Variants in LYRM4 observed in about 807,000 individuals in gnomAD.
LYRM4 encodes the protein LYR motif-containing protein 4.
A neutral mutation model predicts 11.7 loss-of-function variants in LYRM4; 9 were observed. That is an observed-to-expected ratio of 0.77 (90% CI 0.46 to 1.34). The LOEUF (loss-of-function observed/expected upper bound fraction) is 1.34. Among genes scored for constraint, LYRM4 ranks in the 40% most tolerant of loss-of-function variants. The pLI, the probability that LYRM4 is intolerant of heterozygous loss-of-function variation, is 0.00. For synonymous variants in LYRM4, 42 were observed against 40.4 expected, an observed-to-expected ratio of 1.04 and a Z score of -0.15; for missense variants, 133 against 112.5, an observed-to-expected ratio of 1.18 and a Z score of -0.82.
chr6:5,244,455 G>A (rs919751150), intron 1 of LYRM4, among the ~76,000 whole-genome samples: 9 of 152,112 alleles, frequency 5.9e-5, no homozygotes, highest in Admixed American at 1.3e-4. Flanking sequence ...ATCCCTGCTC[G>A]TTCCTTAGGG....
chr6:5,117,229 T>C (rs141551701), intron 2 of LYRM4, among the ~76,000 whole-genome samples: 3 of 152,372 alleles, frequency 2.0e-5, no homozygotes, highest in East Asian at 3.9e-4. Flanking sequence ...GTTACTTACA[T>C]GCACAGACTT....
At chr6:5,125,626 G>A (rs1363822706) in intron 2 of LYRM4, among the ~76,000 whole-genome samples, 1 of 152,212 alleles carries the variant, frequency 6.6e-6, no homozygotes, top group Non-Finnish European at 1.5e-5. Context: ...CTGCAGCTGA[G>A]CCTGGCAGAG....
chr6:5,048,351 T>C, the LYRM4 span, among the ~76,000 whole-genome samples: 3 of 151,470 alleles, frequency 2.0e-5, no homozygotes, highest in African/African-American at 7.3e-5. Context: ...GCTCCCTCTC[T>C]GTTGCCCAGG....
the LYRM4 span, among the ~76,000 whole-genome samples, chr6:5,044,895 T>C: frequency 1.3e-5 from 2 of 152,218 alleles, no homozygotes; most frequent in Admixed American, 1.3e-4. Context: ...TGCCTTATGC[T>C]TTCTCCTGGG....
At chr6:5,053,282 C>T in the LYRM4 span, among the ~76,000 whole-genome samples, 1 of 152,024 alleles carries the variant, frequency 6.6e-6, no homozygotes, top group Non-Finnish European at 1.5e-5. Context: ...ACAGATAAAC[C>T]CTTTCCTCTA....
At chr6:5,065,928 C>A in the LYRM4 span, 1 of 209,366 alleles carries the variant, frequency 4.8e-6, no homozygotes, top group Non-Finnish European at 1.0e-5. Context: ...TTCCTATTTG[C>A]ATCAATATAT....
chr6:5,164,762 GT>G (rs759932056), intron 2 of LYRM4, among the ~76,000 whole-genome samples: 5 of 152,114 alleles, frequency 3.3e-5, no homozygotes, highest in African/African-American at 4.8e-5. Flanking sequence ...GAGGTCAGGA[GT>G]TTGAGACCAG....
intron 2 of LYRM4, among the ~76,000 whole-genome samples, chr6:5,122,649 T>C (rs1260746183): frequency 1.3e-5 from 2 of 152,106 alleles, no homozygotes; most frequent in Non-Finnish European, 2.9e-5. Flanking sequence ...TTTCCAGAAG[T>C]TTCTCTTGGA....
the LYRM4 span, chr6:5,066,953 A>G: frequency 9.3e-6 from 10 of 1,077,848 alleles, no homozygotes; most frequent in Non-Finnish European, 1.3e-5. Flanking sequence ...GCCTCAGCCG[A>G]GGAGGAAATC....
the LYRM4 span, among the ~76,000 whole-genome samples, chr6:5,080,699 T>C: frequency 6.6e-6 from 1 of 152,210 alleles, no homozygotes; most frequent in East Asian, 1.9e-4. Context: ...CTTGAGGGGT[T>C]TGAGAATGCT....
chr6:5,067,678 A>G, the LYRM4 span, among the ~76,000 whole-genome samples: 2 of 152,340 alleles, frequency 1.3e-5, no homozygotes, highest in South Asian at 4.1e-4. Flanking sequence ...AAGACTGACT[A>G]CCATGCAGGG....
At chr6:5,065,438 A>G in the LYRM4 span, among the ~76,000 whole-genome samples, 1 of 152,216 alleles carries the variant, frequency 6.6e-6, no homozygotes, top group Non-Finnish European at 1.5e-5. Context: ...AAATCAGTAA[A>G]TCAGTTTTGT....
At chr6:5,214,120 G>A (rs185817430) in intron 2 of LYRM4, among the ~76,000 whole-genome samples, 14 of 152,334 alleles carry the variant, frequency 9.2e-5, no homozygotes, top group South Asian at 4.1e-4. Context: ...GGCCCCTGCC[G>A]TCTTGCAGAA....
At chr6:5,076,773 C>T in the LYRM4 span, among the ~76,000 whole-genome samples, 11 of 152,186 alleles carry the variant, frequency 7.2e-5, no homozygotes, top group Non-Finnish European at 1.6e-4. Flanking sequence ...CCCACCCCAT[C>T]AAGGAACTGT....
chr6:5,257,544 T>C (rs1340562013), intron 1 of LYRM4, among the ~76,000 whole-genome samples: 1 of 152,244 alleles, frequency 6.6e-6, no homozygotes, highest in Admixed American at 6.5e-5. Flanking sequence ...AACCCATCAG[T>C]ACTGGTCCGT....
At chr6:5,210,161 T>C (rs1272972246) in intron 2 of LYRM4, among the ~76,000 whole-genome samples, 2 of 152,170 alleles carry the variant, frequency 1.3e-5, no homozygotes, top group Admixed American at 1.3e-4. Flanking sequence ...CTAAACTCTG[T>C]AGTGTTAAGT....
intron 1 of LYRM4, among the ~76,000 whole-genome samples, chr6:5,247,490 A>G (rs1320090393): frequency 6.6e-6 from 1 of 152,252 alleles, no homozygotes; most frequent in African/African-American, 2.4e-5. Flanking sequence ...TTTTGCCTAT[A>G]GAAGTGATAT....
intron 2 of LYRM4, among the ~76,000 whole-genome samples, chr6:5,153,147 G>C (rs1342151079): frequency 2.0e-5 from 3 of 152,126 alleles, no homozygotes; most frequent in Admixed American, 2.0e-4. Context: ...GTTCAGGCTG[G>C]AGTGCAGTCG....
At chr6:5,218,796 G>C (rs1172809473) in intron 1 of LYRM4, among the ~76,000 whole-genome samples, 1 of 152,222 alleles carries the variant, frequency 6.6e-6, no homozygotes, top group Non-Finnish European at 1.5e-5. Context: ...CTCTCCTCAG[G>C]TGCAGCTGCT....
Sources: allele counts gnomAD v4.1 joint callset (sites outside exome capture counted in the v4.1 genomes callset), GRCh38; gene constraint gnomAD v4.1.1; transcripts MANE v1.5; gene names NCBI Gene and HGNC (gene_info 2026-07-23, HGNC 2026-07-21).